The following PCDH11Y variants were observed in gnomAD, a reference collection of about 807,000 sequenced individuals.
PCDH11Y encodes the protein protocadherin-11 Y-linked.
For missense variants in PCDH11Y, 12 were observed against 224.8 expected (o/e 0.05, Z 6.05); for synonymous variants, 9 against 83.6 (o/e 0.11, Z 4.87).
intron 2 of PCDH11Y, among the ~76,000 whole-genome samples, chrY:5,486,726 TACACATATATATATATATATATA>T (rs2053333065): frequency 4.2e-4 from 4 of 9,434 alleles, no homozygotes; most frequent in African/African-American, 2.4e-3. Flanking sequence ...TATATATATA[TACACATATATATATATATATATA>T]TATTTTTTTT....
chrY:5,122,819 A>G, intron 2 of PCDH11Y, among the ~76,000 whole-genome samples: 1 of 30,318 alleles, frequency 3.3e-5, no homozygotes, highest in African/African-American at 1.3e-4. Flanking sequence ...CCAACTTATG[A>G]TTATATGGGG....
At chrY:5,650,313 A>G in intron 4 of PCDH11Y, among the ~76,000 whole-genome samples, 1 of 33,656 alleles carries the variant, frequency 3.0e-5, no homozygotes, top group African/African-American at 1.1e-4. Flanking sequence ...TCATTAATTT[A>G]AAAGTGCATG....
intron 2 of PCDH11Y, among the ~76,000 whole-genome samples, chrY:5,200,693 C>T (rs371825176): frequency 3.0e-5 from 1 of 32,795 alleles, no homozygotes; most frequent in African/African-American, 1.2e-4. Flanking sequence ...CTCAAGTAAT[C>T]CTCCCACCTC....
chrY:5,326,879 C>T (rs2053121612), intron 2 of PCDH11Y, among the ~76,000 whole-genome samples: 1 of 32,957 alleles, frequency 3.0e-5, no homozygotes, highest in Non-Finnish European at 7.4e-5. Flanking sequence ...AGCCTCTGTA[C>T]GCAGACATGA....
chrY:5,472,174 C>CT (rs2053314573), intron 2 of PCDH11Y, among the ~76,000 whole-genome samples: 5 of 32,558 alleles, frequency 1.5e-4, no homozygotes, highest in Admixed American at 8.4e-4. Flanking sequence ...GCTCATTTAG[C>CT]TTTTTTGTTA....
chrY:5,093,920 A>G, intron 1 of PCDH11Y, among the ~76,000 whole-genome samples: 1 of 32,849 alleles, frequency 3.0e-5, no homozygotes, highest in Non-Finnish European at 7.6e-5. Flanking sequence ...GCCAGGTGCT[A>G]TATCTTTAGA....
intron 4 of PCDH11Y, among the ~76,000 whole-genome samples, chrY:5,624,598 A>G: frequency 9.4e-5 from 3 of 31,992 alleles, no homozygotes; most frequent in Admixed American, 5.8e-4. Flanking sequence ...TCTTCTGGAT[A>G]TGGCTATTCA....
At chrY:5,012,668 G>GTTT (rs751005442) in intron 1 of PCDH11Y, among the ~76,000 whole-genome samples, 22 of 14,950 alleles carry the variant, frequency 1.5e-3, no homozygotes, top group African/African-American at 5.4e-3. Flanking sequence ...TCATTTTAGG[G>GTTT]TTTTTTTTTT....
chrY:5,381,063 G>A, intron 2 of PCDH11Y, among the ~76,000 whole-genome samples: 1 of 32,291 alleles, frequency 3.1e-5, no homozygotes, highest in Admixed American at 2.9e-4. Context: ...CTTCAAGATC[G>A]TTGAGGGCCT....
chrY:5,057,591 T>C, intron 1 of PCDH11Y, 132 bp downstream of exon 2: 1 of 206,402 alleles, frequency 4.8e-6, no homozygotes, highest in Non-Finnish European at 7.6e-6. Context: ...ATTTAAAGCA[T>C]AGTGGAGAAA....
intron 1 of PCDH11Y, among the ~76,000 whole-genome samples, chrY:5,061,718 G>C: frequency 3.0e-5 from 1 of 33,006 alleles, no homozygotes; most frequent in Non-Finnish European, 7.5e-5. Context: ...CTTAAGGCAG[G>C]CATGACAGTG....
intron 3 of PCDH11Y, among the ~76,000 whole-genome samples, chrY:5,542,972 C>A: frequency 8.6e-5 from 3 of 34,693 alleles, no homozygotes; most frequent in African/African-American, 3.4e-4. Context: ...TAATTGATAA[C>A]TTTTCTTCCA....
intron 2 of PCDH11Y, among the ~76,000 whole-genome samples, chrY:5,374,700 C>A: frequency 3.2e-5 from 1 of 31,679 alleles, no homozygotes; most frequent in Non-Finnish European, 7.6e-5. Context: ...TTCCTCATAC[C>A]CTTTTGCAAT....
chrY:5,139,947 G>A, intron 2 of PCDH11Y, among the ~76,000 whole-genome samples: 1 of 12,142 alleles, frequency 8.2e-5, no homozygotes, highest in Non-Finnish European at 1.5e-4. Context: ...GCCAAAGCAA[G>A]ACTAAGCAAA....
chrY:5,356,970 C>G (rs2053167361), intron 2 of PCDH11Y, among the ~76,000 whole-genome samples: 1 of 26,671 alleles, frequency 3.7e-5, no homozygotes, highest in African/African-American at 1.5e-4. Flanking sequence ...GCAGTTGGCT[C>G]AAGAGGTCAA....
intron 2 of PCDH11Y, among the ~76,000 whole-genome samples, chrY:5,192,916 A>T: frequency 3.0e-5 from 1 of 32,933 alleles, no homozygotes; most frequent in African/African-American, 1.2e-4. Context: ...CTGTTTTAAT[A>T]TTTTTTTCAA....
At chrY:5,329,287 G>A in intron 2 of PCDH11Y, among the ~76,000 whole-genome samples, 2 of 32,043 alleles carry the variant, frequency 6.2e-5, no homozygotes, top group African/African-American at 2.5e-4. Context: ...AGAAGGAGTG[G>A]GGTTTTCTTT....
At chrY:5,697,430 A>G (rs2053573216) in intron 4 of PCDH11Y, among the ~76,000 whole-genome samples, 1 of 31,978 alleles carries the variant, frequency 3.1e-5, no homozygotes. Context: ...AATGTATAAT[A>G]AAAATAAATA....
chrY:5,044,945 T>G, intron 3 of PCDH11Y, among the ~76,000 whole-genome samples: 1 of 33,262 alleles, frequency 3.0e-5, no homozygotes, highest in Admixed American at 2.8e-4. Context: ...CCTGCCTTTT[T>G]TTGTTTTCCA....
Sources: allele counts gnomAD v4.1 joint callset (sites outside exome capture counted in the v4.1 genomes callset), GRCh38; gene constraint gnomAD v4.1.1; transcripts MANE v1.5; gene names NCBI Gene and HGNC (gene_info 2026-07-23, HGNC 2026-07-21).